The following SMYD3 variants were observed in gnomAD, a reference collection of about 807,000 sequenced individuals.
SMYD3 encodes histone-lysine N-methyltransferase SMYD3.
A neutral mutation model predicts 57.7 loss-of-function variants in SMYD3; 36 were observed. That is an observed-to-expected ratio of 0.62 (90% CI 0.48 to 0.82). The LOEUF (loss-of-function observed/expected upper bound fraction) is 0.82, where lower values mean the gene tolerates loss of function less well. Ranked by LOEUF, SMYD3 falls within the 40% of genes least tolerant of loss-of-function variation. The probability of loss-of-function intolerance (pLI) is 0.00; values close to 1 mark genes in which losing one functional copy is unlikely to be tolerated. For missense variants in SMYD3, 515 were observed against 538.8 expected, an observed-to-expected ratio of 0.96 and a Z score of 0.44; for synonymous variants, 211 against 195.0, an observed-to-expected ratio of 1.08 and a Z score of -0.68.
intron 5 of SMYD3, among the ~76,000 whole-genome samples, chr1:246,064,571 C>CA (rs1388086938): frequency 6.6e-6 from 1 of 152,218 alleles, no homozygotes; most frequent in Non-Finnish European, 1.5e-5. Flanking sequence ...CCCTCCACGG[C>CA]ATTTATCCCA....
intron 5 of SMYD3, among the ~76,000 whole-genome samples, chr1:246,273,168 G>T (rs1371692871): frequency 1.2e-5 from 1 of 85,160 alleles, no homozygotes; most frequent in Non-Finnish European, 2.2e-5. Flanking sequence ...TTTTGGGGGG[G>T]GGACAGAGTC....
intron 5 of SMYD3, among the ~76,000 whole-genome samples, chr1:246,308,151 C>A (rs1252643147): frequency 1.3e-5 from 2 of 152,164 alleles, no homozygotes; most frequent in African/African-American, 4.8e-5. Flanking sequence ...GAAGGCAGCA[C>A]AGTTTTGCTT....
chr1:245,903,417 G>A (rs759637338), intron 8 of SMYD3, among the ~76,000 whole-genome samples: 11 of 152,198 alleles, frequency 7.2e-5, no homozygotes, highest in Non-Finnish European at 1.3e-4. Flanking sequence ...AAAACAGGCA[G>A]AGCAAGATGC....
intron 5 of SMYD3, among the ~76,000 whole-genome samples, chr1:246,278,096 A>G (rs1202520612): frequency 1.3e-5 from 2 of 152,344 alleles, no homozygotes; most frequent in African/African-American, 4.8e-5. Context: ...TAAGGAGCTC[A>G]GCACAGACCA....
intron 5 of SMYD3, among the ~76,000 whole-genome samples, chr1:246,176,194 C>T (rs543629789): frequency 6.6e-6 from 1 of 152,240 alleles, no homozygotes; most frequent in South Asian, 2.1e-4. Flanking sequence ...TTTTTATCTG[C>T]TACTTAGTCT....
chr1:245,754,744 A>G (rs1463913264), intron 11 of SMYD3, among the ~76,000 whole-genome samples: 1 of 152,226 alleles, frequency 6.6e-6, no homozygotes, highest in Non-Finnish European at 1.5e-5. Flanking sequence ...TAGAGATAAC[A>G]TCTACCCATT....
intron 5 of SMYD3, among the ~76,000 whole-genome samples, chr1:245,931,101 AC>A (rs2056689386): frequency 6.6e-6 from 1 of 152,212 alleles, no homozygotes; most frequent in African/African-American, 2.4e-5. Context: ...GGGATCACTT[AC>A]GGCCCTACTG....
At chr1:246,003,691 A>C (rs573038223) in intron 5 of SMYD3, among the ~76,000 whole-genome samples, 58 of 152,348 alleles carry the variant, frequency 3.8e-4, no homozygotes, top group African/African-American at 1.4e-3. Context: ...AATTTTGAGC[A>C]TCTCTTTAAA....
intron 1 of SMYD3, among the ~76,000 whole-genome samples, chr1:246,379,182 C>T (rs1244846826): frequency 2.0e-5 from 3 of 150,078 alleles, no homozygotes; most frequent in African/African-American, 7.3e-5. Flanking sequence ...CTGTGTAATA[C>T]TAAGCAATTT....
At chr1:245,864,357 T>C (rs542922773) in intron 8 of SMYD3, among the ~76,000 whole-genome samples, 1 of 152,286 alleles carries the variant, frequency 6.6e-6, no homozygotes, top group African/African-American at 2.4e-5. Context: ...TGGAAACAAC[T>C]CACACGTCTA....
chr1:246,393,255 C>G (rs2066601880), intron 1 of SMYD3, among the ~76,000 whole-genome samples: 1 of 152,082 alleles, frequency 6.6e-6, no homozygotes, highest in African/African-American at 2.4e-5. Context: ...TGAATTATAT[C>G]TCAATGAAGT....
chr1:246,295,390 T>C (rs897824669), intron 5 of SMYD3, among the ~76,000 whole-genome samples: 3 of 152,174 alleles, frequency 2.0e-5, no homozygotes, highest in African/African-American at 4.8e-5. Flanking sequence ...TTTGTTTTCT[T>C]AATAAAGAAA....
At chr1:246,148,247 G>A (rs950083544) in intron 5 of SMYD3, among the ~76,000 whole-genome samples, 4 of 152,170 alleles carry the variant, frequency 2.6e-5, no homozygotes, top group Admixed American at 6.5e-5. Context: ...AGCAGGGCAC[G>A]TGGAGACAAT....
At position 245,873,851 on chromosome 1, in the gene SMYD3, G is replaced by C. The variant is rs564113869; in HGVS notation, c.814-9965C>G. On this transcript the variant is annotated intron_variant, in intron 8 of 11. Transcript: ENST00000490107. ...AGCACTACGGAAGTGGAACTAAGGA[G>C]GCCGGGCCCTGGTACCAGCTCTGCC... 1.3e-3 allele frequency among the ~76,000 whole-genome samples: 197 copies of C among 152,316 alleles called. 2 individuals are homozygous for C. The highest frequency in any genetic ancestry group is 4.6e-3 in the African/African-American group (192 of 41,572).
At chr1:246,277,251 C>A (rs10924668) in intron 5 of SMYD3, among the ~76,000 whole-genome samples, 1 of 151,610 alleles carries the variant, frequency 6.6e-6, no homozygotes, top group African/African-American at 2.4e-5. Context: ...ACCAATAAGC[C>A]TATATATAAA....
intron 1 of SMYD3, among the ~76,000 whole-genome samples, chr1:246,390,254 A>G (rs1326960618): frequency 2.0e-5 from 3 of 150,976 alleles, no homozygotes; most frequent in Non-Finnish European, 4.4e-5. Context: ...CAAACTCCAT[A>G]AGAAGGAATA....
At chr1:246,160,627 G>A (rs954667615) in intron 5 of SMYD3, among the ~76,000 whole-genome samples, 12 of 152,200 alleles carry the variant, frequency 7.9e-5, no homozygotes, top group African/African-American at 2.9e-4. Flanking sequence ...AGAGGTCTAG[G>A]AGAAGTGAGA....
intron 5 of SMYD3, among the ~76,000 whole-genome samples, chr1:246,264,903 T>C (rs774369273): frequency 9.2e-5 from 14 of 152,248 alleles, no homozygotes; most frequent in Non-Finnish European, 2.1e-4. Context: ...TTTGCAATTC[T>C]ATGATGCATA....
At chr1:245,894,719 T>C (rs962628050) in intron 8 of SMYD3, among the ~76,000 whole-genome samples, 1 of 152,194 alleles carries the variant, frequency 6.6e-6, no homozygotes, top group Non-Finnish European at 1.5e-5. Context: ...CTGTGGACCA[T>C]GTGTTGGGCT....
Sources: allele counts gnomAD v4.1 joint callset (sites outside exome capture counted in the v4.1 genomes callset), GRCh38; gene constraint gnomAD v4.1.1; transcripts MANE v1.5; gene names NCBI Gene and HGNC (gene_info 2026-07-23, HGNC 2026-07-21).